The following NXPE2 variants were observed in gnomAD, a reference collection of about 807,000 sequenced individuals.
NXPE2 encodes the protein NXPE family member 2.
NXPE2 carries 34 observed loss-of-function variants against 34.4 expected under a neutral mutation model. The ratio of observed to expected loss-of-function variants is 0.99; its 90% CI spans 0.75 to 1.31. NXPE2 has a LOEUF of 1.31. Among genes scored for constraint, NXPE2 ranks in the 40% most tolerant of loss-of-function variants. The pLI is 0.00. For missense variants in NXPE2, 649 were observed against 672.5 expected, an observed-to-expected ratio of 0.97 and a Z score of 0.39; for synonymous variants, 235 against 231.3, an observed-to-expected ratio of 1.02 and a Z score of -0.15.
chr11:114,612,387 C>T, the NXPE2 span, among the ~76,000 whole-genome samples: 4 of 151,432 alleles, frequency 2.6e-5, no homozygotes, highest in South Asian at 2.1e-4. Context: ...ATAAGTATTG[C>T]CTCATGTCTA....
the NXPE2 span, among the ~76,000 whole-genome samples, chr11:114,641,592 C>T: frequency 6.6e-6 from 1 of 151,878 alleles, no homozygotes; most frequent in Non-Finnish European, 1.5e-5. Context: ...GTGTCCAAGT[C>T]AAGAATAGGA....
chr11:114,669,550 C>A, the NXPE2 span, among the ~76,000 whole-genome samples: 1 of 152,068 alleles, frequency 6.6e-6, no homozygotes, highest in Admixed American at 6.6e-5. Flanking sequence ...ACTTATAGAG[C>A]AGAAGCACTT....
chr11:114,611,780 C>T, the NXPE2 span, among the ~76,000 whole-genome samples: 39 of 150,992 alleles, frequency 2.6e-4, no homozygotes, highest in East Asian at 5.5e-3. Flanking sequence ...CACTGTTACC[C>T]GGTGGATAAT....
chr11:114,527,678 T>C, the NXPE2 span, among the ~76,000 whole-genome samples: 16 of 152,216 alleles, frequency 1.1e-4, no homozygotes, highest in African/African-American at 3.6e-4. Flanking sequence ...ATAAACATTT[T>C]GAAATCATTT....
the NXPE2 span, among the ~76,000 whole-genome samples, chr11:114,659,753 A>T: frequency 6.6e-5 from 10 of 152,276 alleles, no homozygotes; most frequent in East Asian, 1.9e-3. Flanking sequence ...CTAATCTTTC[A>T]TGTTAAGAAA....
the NXPE2 span, among the ~76,000 whole-genome samples, chr11:114,736,827 G>A: frequency 3.9e-4 from 60 of 152,332 alleles, no homozygotes; most frequent in South Asian, 0.012. Flanking sequence ...ACTAATAAAT[G>A]TCCATGAAAT....
At chr11:114,547,373 C>T in the NXPE2 span, among the ~76,000 whole-genome samples, 4 of 152,128 alleles carry the variant, frequency 2.6e-5, no homozygotes, top group African/African-American at 9.7e-5. Flanking sequence ...TACAAAATAC[C>T]AGACCACTGT....
At chr11:114,601,396 T>A in the NXPE2 span, among the ~76,000 whole-genome samples, 2 of 141,892 alleles carry the variant, frequency 1.4e-5, no homozygotes, top group Non-Finnish European at 3.0e-5. Context: ...TCCAGTTCCA[T>A]CCGTGTTGCT....
At chr11:114,614,724 C>T in the NXPE2 span, among the ~76,000 whole-genome samples, 1 of 151,780 alleles carries the variant, frequency 6.6e-6, no homozygotes, top group East Asian at 1.9e-4. Context: ...ATAAGTGTTG[C>T]CTCCTGCGTA....
At chr11:114,595,547 T>A in the NXPE2 span, 1 of 152,340 alleles carries the variant, frequency 6.6e-6, no homozygotes, top group Non-Finnish European at 1.5e-5. Context: ...AAAATAAATG[T>A]CACACCTTTC....
the NXPE2 span, among the ~76,000 whole-genome samples, chr11:114,724,448 T>C: frequency 6.6e-6 from 1 of 152,204 alleles, no homozygotes; most frequent in Non-Finnish European, 1.5e-5. Context: ...CAGTAGCCAG[T>C]GTGTCCACAT....
At chr11:114,615,141 C>T in the NXPE2 span, among the ~76,000 whole-genome samples, 4 of 151,750 alleles carry the variant, frequency 2.6e-5, no homozygotes, top group Non-Finnish European at 5.9e-5. Context: ...TAAGTGTTAC[C>T]TTGTGTGTAA....
At chr11:114,539,998 C>T in the NXPE2 span, among the ~76,000 whole-genome samples, 2 of 152,188 alleles carry the variant, frequency 1.3e-5, no homozygotes, top group Non-Finnish European at 1.5e-5. Flanking sequence ...AATATAAAGA[C>T]ATTTATAATT....
the NXPE2 span, among the ~76,000 whole-genome samples, chr11:114,593,140 C>T: frequency 6.6e-6 from 1 of 152,160 alleles, no homozygotes; most frequent in East Asian, 1.9e-4. Context: ...GATAAGACCT[C>T]AAATGCACAG....
chr11:114,540,149 G>T, the NXPE2 span, among the ~76,000 whole-genome samples: 1 of 152,132 alleles, frequency 6.6e-6, no homozygotes, highest in Non-Finnish European at 1.5e-5. Context: ...TAGAGATGGG[G>T]TTTCACCATG....
the NXPE2 span, among the ~76,000 whole-genome samples, chr11:114,797,660 G>A: frequency 6.6e-6 from 1 of 152,144 alleles, no homozygotes; most frequent in African/African-American, 2.4e-5. Flanking sequence ...TTGCTCTTGA[G>A]ATGAAATCTA....
chr11:114,628,263 C>A, the NXPE2 span, among the ~76,000 whole-genome samples: 8 of 149,594 alleles, frequency 5.3e-5, no homozygotes, highest in East Asian at 1.2e-3. Flanking sequence ...TGACCATATA[C>A]TTGGAAATAA....
chr11:114,466,949 C>T, the NXPE2 span, among the ~76,000 whole-genome samples: 46 of 152,098 alleles, frequency 3.0e-4, no homozygotes, highest in East Asian at 1.2e-3. Context: ...TTGCCAGTTC[C>T]GTAAGTCCAC....
the NXPE2 span, among the ~76,000 whole-genome samples, chr11:114,650,696 T>TAA: frequency 6.6e-6 from 1 of 152,134 alleles, no homozygotes; most frequent in South Asian, 2.1e-4. Flanking sequence ...GCTACCATCA[T>TAA]AAGTAGGGCA....
Sources: allele counts gnomAD v4.1 joint callset (sites outside exome capture counted in the v4.1 genomes callset), GRCh38; gene constraint gnomAD v4.1.1; transcripts MANE v1.5; gene names NCBI Gene and HGNC (gene_info 2026-07-23, HGNC 2026-07-21).